MND1: variants seen among roughly 807,000 people sequenced by gnomAD.
MND1 encodes meiotic nuclear division protein 1 homolog.
Under a neutral mutation model 35.1 loss-of-function variants are expected in MND1, and 28 were observed. That is an observed-to-expected ratio of 0.80 (90% CI 0.59 to 1.09). The LOEUF is 1.09. Ranked by LOEUF, MND1 falls within the 50% of genes least tolerant of loss-of-function variation. The pLI, the probability that MND1 is intolerant of heterozygous loss-of-function variation, is 0.00. For missense variants in MND1, 213 were observed against 239.6 expected (o/e 0.89, Z 0.73); for synonymous variants, 69 against 70.5 (o/e 0.98, Z 0.11).
intron 6 of MND1, among the ~76,000 whole-genome samples, chr4:153,397,705 A>G (rs546974945): frequency 9.2e-5 from 14 of 152,190 alleles, no homozygotes; most frequent in Non-Finnish European, 1.6e-4. Flanking sequence ...CAGTAGTCCC[A>G]GCTACTCAGG....
intron 4 of MND1, among the ~76,000 whole-genome samples, chr4:153,382,633 A>G (rs1728740901): frequency 6.6e-6 from 1 of 152,220 alleles, no homozygotes; most frequent in Non-Finnish European, 1.5e-5. Context: ...TTTTAACCTG[A>G]TCTAAATAGA....
intron 4 of MND1, among the ~76,000 whole-genome samples, chr4:153,380,182 T>A (rs1051964771): frequency 6.6e-6 from 1 of 152,200 alleles, no homozygotes; most frequent in African/African-American, 2.4e-5. Flanking sequence ...AACAGAAAAG[T>A]AGATCAAAGT....
At chr4:153,363,022 G>A (rs1426995016) in intron 4 of MND1, 1 of 985,198 alleles carries the variant, frequency 1.0e-6, no homozygotes, top group African/African-American at 1.7e-5. Context: ...AGTGCAAGAT[G>A]GAGGTAAGCT....
At chr4:153,381,632 A>G (rs1442304899) in intron 4 of MND1, 1 of 109,630 alleles carries the variant, frequency 9.1e-6, no homozygotes, top group African/African-American at 3.6e-5. Context: ...TATTCATAAC[A>G]TCTCTGGCTG....
intron 4 of MND1, among the ~76,000 whole-genome samples, chr4:153,363,503 C>T (rs930107191): frequency 3.3e-5 from 5 of 152,156 alleles, no homozygotes; most frequent in Non-Finnish European, 7.3e-5. Context: ...TGAGCCATTG[C>T]ACCCGGCCTT....
Position 153,388,443 on chromosome 4 carries a change from T to C in MND1, c.277-5819T>C, listed in dbSNP as rs535008656. Among the ~76,000 whole-genome samples, 10 of 152,276 alleles carry C rather than the reference T, an allele frequency of 6.6e-5. No individual in the cohort carries two copies. In the South Asian group the frequency reaches 1.9e-3, roughly 28 times the overall value. On this transcript the variant is annotated intron_variant, in intron 4 of 7. Coordinates refer to ENST00000240488, the MANE Select transcript of MND1 (RefSeq NM_032117.4). ...TCAAGGCTGTAGTGAGCCATGATCA[T>C]GCCACTGCATTCCAGCCTGAACAAC...
intron 7 of MND1, among the ~76,000 whole-genome samples, chr4:153,412,639 T>C (rs1004939353): frequency 5.3e-5 from 8 of 151,560 alleles, no homozygotes; most frequent in African/African-American, 1.9e-4. Flanking sequence ...CACACCACCA[T>C]GCCCGGCTAA....
At chr4:153,397,383 A>G in intron 6 of MND1, 50 bp downstream of exon 6, 1 of 1,357,974 alleles carries the variant, frequency 7.4e-7, no homozygotes, top group Non-Finnish European at 1.0e-6. Flanking sequence ...AATGAAGAAG[A>G]CTTTATTTTT....
At chr4:153,399,509 A>T (rs1424639143) in intron 6 of MND1, among the ~76,000 whole-genome samples, 1 of 152,224 alleles carries the variant, frequency 6.6e-6, no homozygotes, top group Non-Finnish European at 1.5e-5. Context: ...GAATTGTGCC[A>T]GACCAATTCA....
chr4:153,393,715 G>A (rs897321665), intron 4 of MND1, among the ~76,000 whole-genome samples: 2 of 151,714 alleles, frequency 1.3e-5, no homozygotes, highest in African/African-American at 4.8e-5. Context: ...TAGACCTCAA[G>A]TTACTTGGAG....
At chr4:153,378,288 C>T (rs1366827751) in intron 4 of MND1, among the ~76,000 whole-genome samples, 1 of 152,088 alleles carries the variant, frequency 6.6e-6, no homozygotes, top group East Asian at 1.9e-4. Context: ...TTCTAGAACT[C>T]AGCTTCAGAA....
At chr4:153,361,533 A>G (rs1245403133) in intron 4 of MND1, 1 of 456,264 alleles carries the variant, frequency 2.2e-6, no homozygotes, top group Admixed American at 2.3e-5. Flanking sequence ...TGAAATAATT[A>G]AAGTCTCCTA....
Position 153,350,207 on chromosome 4 carries a change from C to G in MND1, c.69+78C>G, listed in dbSNP as rs912628553. 5 of 1,024,320 alleles carry G rather than the reference C, an allele frequency of 4.9e-6. No individual in the cohort carries two copies. In the African/African-American group the frequency reaches 8.1e-5, roughly 16 times the overall value. The allele number at this position is 1,024,320 out of a possible 1,614,324, so 63.5% of individuals were successfully genotyped here. A position where few individuals can be genotyped will look rare whatever the true frequency, so the allele number is the denominator to read the frequency against. ...TATGTCATCCAATGTTAACTGTCCC[C>G]TCTTTGTTAAACATCAATACTGATC... On this transcript the variant is annotated intron_variant, in intron 2 of 7. Coordinates refer to ENST00000240488, the MANE Select transcript of MND1 (RefSeq NM_032117.4).
At chr4:153,360,591 T>C (rs1773457204) in intron 4 of MND1, among the ~76,000 whole-genome samples, 2 of 143,370 alleles carry the variant, frequency 1.4e-5, no homozygotes, top group East Asian at 2.0e-4. Context: ...TGTATGTGTG[T>C]GTGTGTGTGT....
chr4:153,381,700 T>A (rs1253203562), intron 4 of MND1: 115 of 45,218 alleles, frequency 2.5e-3, no homozygotes, highest in African/African-American at 1.0e-2. Flanking sequence ...ATATTTTTTT[T>A]TTTTTTTTTT....
intron 4 of MND1, among the ~76,000 whole-genome samples, chr4:153,368,294 A>G (rs2149639000): frequency 1.3e-5 from 2 of 152,078 alleles, no homozygotes; most frequent in Middle Eastern, 6.8e-3. Context: ...AAATATTCTT[A>G]CCCTTCTCTA....
intron 6 of MND1, among the ~76,000 whole-genome samples, chr4:153,404,904 A>G (rs1395290871): frequency 1.3e-5 from 2 of 151,458 alleles, no homozygotes; most frequent in African/African-American, 4.9e-5. Context: ...TTTTTTTTTT[A>G]TTATCTTTTT....
At chr4:153,399,157 T>G (rs1031928195) in intron 6 of MND1, among the ~76,000 whole-genome samples, 1 of 152,216 alleles carries the variant, frequency 6.6e-6, no homozygotes, top group Non-Finnish European at 1.5e-5. Context: ...ATTTCAGTTT[T>G]GTGTGATTCT....
At chr4:153,387,837 C>A (rs1355041767) in intron 4 of MND1, among the ~76,000 whole-genome samples, 1 of 147,974 alleles carries the variant, frequency 6.8e-6, no homozygotes, top group South Asian at 2.1e-4. Context: ...GAAATATAAC[C>A]TTTTTTTTTT....
Sources: allele counts gnomAD v4.1 joint callset (sites outside exome capture counted in the v4.1 genomes callset), GRCh38; gene constraint gnomAD v4.1.1; transcripts MANE v1.5; gene names NCBI Gene and HGNC (gene_info 2026-07-23, HGNC 2026-07-21).